CACNA1A: variants seen among roughly 807,000 people sequenced by gnomAD.
CACNA1A encodes voltage-dependent P/Q-type calcium channel subunit alpha-1A.
CACNA1A carries 57 observed loss-of-function variants against 262.4 expected under a neutral mutation model. The ratio of observed to expected loss-of-function variants is 0.22; its 90% CI spans 0.18 to 0.27. CACNA1A has a LOEUF of 0.27. Ranked by LOEUF, CACNA1A falls within the 10% of genes least tolerant of loss-of-function variation. The pLI is 1.00. For synonymous variants in CACNA1A, 1,431 were observed against 1,419.3 expected (o/e 1.01, Z -0.18); for missense variants, 2,526 against 3,562.8 (o/e 0.71, Z 7.41).
intron 6 of CACNA1A, among the ~76,000 whole-genome samples, chr19:13,339,854 A>C (rs1260202254): frequency 1.3e-5 from 2 of 152,090 alleles, no homozygotes; most frequent in Non-Finnish European, 2.9e-5. Context: ...GGGGACAATG[A>C]ATGTGCCAGC....
At chr19:13,255,556 G>A (rs1167593559) in intron 28 of CACNA1A, among the ~76,000 whole-genome samples, 2 of 152,110 alleles carry the variant, frequency 1.3e-5, no homozygotes, top group Non-Finnish European at 2.9e-5. Context: ...TCACTTTGCA[G>A]ATCACCAAAA....
intron 3 of CACNA1A, among the ~76,000 whole-genome samples, chr19:13,433,953 C>T (rs953398177): frequency 4.6e-5 from 7 of 152,254 alleles, no homozygotes; most frequent in African/African-American, 1.4e-4. Flanking sequence ...TTAAGAGCTT[C>T]GACACTGAAG....
rs553859754 is a variant in CACNA1A, at chr19:13,249,539, G to C, written c.4866+3452C>G. Reference sequence around the variant, plus strand: ...CCAGGCTAATTTTGTACTTTTTGTAGAGACAGAATCTCACTATGTTGTCCA... The same window carrying C: ...CCAGGCTAATTTTGTACTTTTTGTACAGACAGAATCTCACTATGTTGTCCA... On this transcript the variant is annotated intron_variant, in intron 30 of 46. Coordinates refer to ENST00000360228, the MANE Select transcript of CACNA1A (RefSeq NM_001127222.2). Among the ~76,000 whole-genome samples, 15 of 152,168 alleles carry C rather than the reference G, an allele frequency of 9.9e-5. No homozygotes were observed. In the South Asian group the frequency reaches 2.9e-3, roughly 29 times the overall value.
intron 11 of CACNA1A, among the ~76,000 whole-genome samples, chr19:13,313,016 T>C (rs2058062165): frequency 6.6e-6 from 1 of 152,132 alleles, no homozygotes; most frequent in Non-Finnish European, 1.5e-5. Context: ...TTCTGACTTA[T>C]CTTTTTTCTT....
intron 11 of CACNA1A, 66 bp from the exon 12 acceptor site, chr19:13,312,847 TCTGA>T (rs1242469163): frequency 2.6e-6 from 2 of 756,764 alleles, no homozygotes; most frequent in African/African-American, 3.7e-5. Context: ...TCCAGGTGGC[TCTGA>T]CTTTCCTTTT....
chr19:13,306,521 C>G (rs2057907242), intron 15 of CACNA1A: 1 of 152,106 alleles, frequency 6.6e-6, no homozygotes, highest in African/African-American at 2.4e-5. Flanking sequence ...CCTCATTGGC[C>G]TGGCCACGCA....
chr19:13,385,447 C>T (rs1243580784), intron 3 of CACNA1A, among the ~76,000 whole-genome samples: 2 of 152,052 alleles, frequency 1.3e-5, no homozygotes, highest in Admixed American at 6.6e-5. Context: ...TCAGGCTGAT[C>T]TCAAACTCCT....
chr19:13,395,343 T>C (rs548350290), intron 3 of CACNA1A, among the ~76,000 whole-genome samples: 1 of 148,698 alleles, frequency 6.7e-6, no homozygotes, highest in African/African-American at 2.5e-5. Context: ...CAGTGGCTCA[T>C]GCTGGGATTA....
intron 1 of CACNA1A, among the ~76,000 whole-genome samples, chr19:13,492,565 A>C (rs1374058487): frequency 2.6e-5 from 4 of 152,186 alleles, no homozygotes; most frequent in African/African-American, 9.6e-5. Flanking sequence ...AAGTGTGCAA[A>C]GACTTCTCTA....
chr19:13,207,134 C>T lies in CACNA1A; in HGVS notation c.*179G>A. The stretch of plus-strand genomic sequence containing the variant: ...GCTGCCCAGGAGGGTCTCTTTTGGC[C>T]GAGGGTCTCTGCGGGACACCCTTGT... On this transcript the variant is annotated 3_prime_UTR_variant, in exon 47 of 47. Coordinates refer to ENST00000360228, the MANE Select transcript of CACNA1A (RefSeq NM_001127222.2). This position sits in a 1 kb window ranked among gnomAD's most constrained non-coding sequence, Gnocchi z 5.7. 6.4e-6 allele frequency: 4 copies of T among 627,950 alleles called. No individual in the cohort carries two copies. Among genetic ancestry groups the T allele is most frequent in the East Asian group, 3.9e-5 (1 of 25,814 alleles). 38.9% of individuals were successfully genotyped at this position (627,950 alleles called of 1,614,324 possible). A position where few individuals can be genotyped will look rare whatever the true frequency, so the allele number is the denominator to read the frequency against.
At chr19:13,493,816 C>T (rs777281755) in intron 1 of CACNA1A, among the ~76,000 whole-genome samples, 4 of 152,334 alleles carry the variant, frequency 2.6e-5, no homozygotes, top group East Asian at 1.9e-4. Context: ...ATATAATACA[C>T]GTATAAAGTG....
chr19:13,313,428 AG>A (rs56274340), intron 11 of CACNA1A, among the ~76,000 whole-genome samples: 43,363 of 143,018 alleles, frequency 0.3, 6,829 homozygotes, highest in East Asian at 0.49. Context: ...TAAACCTGGG[AG>A]GTGGAGGTTG....
chr19:13,235,236 G>A lies in CACNA1A; in HGVS notation c.5106C>T (p.Phe1702=), dbSNP rs1432242772. The A allele has an allele frequency of 7.5e-6, 12 of 1,603,802 alleles. No homozygotes were observed. Among genetic ancestry groups the A allele is most frequent in the South Asian group, 5.6e-5 (5 of 89,696 alleles). ...PYVCLLIAML[F]FIYAIIGMQV... Reference sequence around the variant, plus strand: ...GCATCCCAATGATGGCATAGATGAAGAAGAGCATGGCGATCAGCAGACAGA... The same window carrying A: ...GCATCCCAATGATGGCATAGATGAAAAAGAGCATGGCGATCAGCAGACAGA... Residue 1702 remains phenylalanine (F), a synonymous_variant, in exon 33 of 47, where the codon TTC becomes TTT. Coordinates refer to ENST00000360228, the MANE Select transcript of CACNA1A (RefSeq NM_001127222.2).
intron 1 of CACNA1A, among the ~76,000 whole-genome samples, chr19:13,456,499 T>C (rs1036842829): frequency 5.9e-5 from 9 of 151,778 alleles, no homozygotes; most frequent in Admixed American, 2.0e-4. Flanking sequence ...GGTGAAACCC[T>C]ATCTCTACTA....
chr19:13,308,983 G>A lies in CACNA1A; in HGVS notation c.1669-455C>T, dbSNP rs993079833. On this transcript the variant is annotated intron_variant, in intron 12 of 46. Coordinates refer to ENST00000360228, the MANE Select transcript of CACNA1A (RefSeq NM_001127222.2). The surrounding 1 kb of genome is among the most constrained non-coding windows in gnomAD (Gnocchi z 4.2). ...TCCAAAGCATTGAGCCACTGCACCC[G>A]GCCTCTTATTTATTTATTTATTTTT... 2.6e-5 allele frequency among the ~76,000 whole-genome samples: 4 copies of A among 151,870 alleles called. No homozygotes were observed. Among genetic ancestry groups the A allele is most frequent in the South Asian group, 2.1e-4 (1 of 4,802 alleles).
In CACNA1A at chr19:13,298,902, C is replaced by G. The variant is rs1226472985; in HGVS notation, c.2731G>C (p.Glu911Gln). The G allele has an allele frequency of 6.3e-7, 1 of 1,594,812 alleles. No individual in the cohort carries two copies. The highest frequency in any genetic ancestry group is 8.5e-7 in the Non-Finnish European group (1 of 1,177,948). ...SDHHAREGSL[E>Q]QPGFWEGEAE... ...TCGCCCTCCCAGAACCCGGGTTGCT[C>G]CAGGCTGCCCTCCCGGGCGTGGTGG... Residue 911 changes from glutamate to glutamine, a missense_variant, in exon 19 of 47, where the codon GAG becomes CAG. Glu to Gln is a conservative substitution (Grantham distance 29). This residue lies in a region of CACNA1A where 765 missense variants were observed against 748.6 expected (regional missense o/e 1.02). Coordinates refer to ENST00000360228, the MANE Select transcript of CACNA1A (RefSeq NM_001127222.2).
chr19:13,215,137 G>A (rs2054955277), intron 38 of CACNA1A: 1 of 153,196 alleles, frequency 6.5e-6, no homozygotes, highest in African/African-American at 2.4e-5. Context: ...AGCTTCCCGA[G>A]TAGCTGGGAT....
chr19:13,424,548 C>T (rs144026228), intron 3 of CACNA1A, among the ~76,000 whole-genome samples: 1 of 151,956 alleles, frequency 6.6e-6, no homozygotes, highest in African/African-American at 2.4e-5. Context: ...TCACTGTAGC[C>T]TCAAACTCCT....
Position 13,286,577 on chromosome 19 carries a change from G to A in CACNA1A, c.3479C>T (p.Ala1160Val), listed in dbSNP as rs766027931. The change falls in exon 20 of 47, where the codon GCC becomes GTC. Residue 1160 changes from alanine to valine, a missense_variant. Physicochemically the swap from Ala to Val is moderately conservative, Grantham distance 64. This residue lies in a region of CACNA1A where 765 missense variants were observed against 748.6 expected (regional missense o/e 1.02). Coordinates refer to ENST00000360228, the MANE Select transcript of CACNA1A (RefSeq NM_001127222.2). ...CACTGTGGTGTGGTCGGGTTTCCTGGCAGTCTTAGCTGAATTGGTCTGGGT... is the reference window on the plus strand; with the variant it reads ...CACTGTGGTGTGGTCGGGTTTCCTGACAGTCTTAGCTGAATTGGTCTGGGT... ...SGTQTNSAKT[A>V]RKPDHTTVDI... is the part of the protein sequence containing the mutation. 3.9e-6 allele frequency: 6 copies of A among 1,548,780 alleles called. No individual in the cohort carries two copies. The highest frequency in any genetic ancestry group is 1.8e-4 in the Middle Eastern group (1 of 5,698).
Sources: gnomAD v4.1 joint callset for allele counts (sites outside exome capture counted in the v4.1 genomes callset) on GRCh38, gnomAD v4.1.1 for gene constraint, gnomAD v4.1.1 regional missense constraint, Gnocchi (gnomAD v3.1) non-coding constraint, MANE v1.5 for transcripts, NCBI Gene and HGNC (gene_info 2026-07-23, HGNC 2026-07-21) for gene names.